ZNF483: variants seen among roughly 807,000 people sequenced by gnomAD.
The protein encoded by ZNF483 is zinc finger protein 483, also known as zinc finger protein HIT-10.
A neutral mutation model predicts 28.6 loss-of-function variants in ZNF483; 9 were observed. That is an observed-to-expected ratio of 0.32 (90% CI 0.19 to 0.55). The LOEUF is 0.55. Among genes scored for constraint, ZNF483 ranks in the 20% least tolerant of loss-of-function variants. The pLI, the probability that ZNF483 is intolerant of heterozygous loss-of-function variation, is 0.93. For missense variants in ZNF483, 675 were observed against 871.7 expected, an observed-to-expected ratio of 0.77 and a Z score of 2.84; for synonymous variants, 322 against 306.2, an observed-to-expected ratio of 1.05 and a Z score of -0.54.
In ZNF483 at chr9:111,543,897, G is replaced by A; in HGVS notation, c.*727G>A. ...ACTTTCCTGAGTAGCTGACATTACG[G>A]GTACACTCCATCAAGCCTGGTTCCT... On this transcript the variant is annotated 3_prime_UTR_variant, in exon 6 of 6. Transcript: ENST00000309235. 1 of 984,244 alleles carries A rather than the reference G, an allele frequency of 1.0e-6. No homozygotes were observed. The highest frequency in any genetic ancestry group is 1.2e-6 in the Non-Finnish European group (1 of 829,598). 61.0% of individuals were successfully genotyped at this position (984,244 alleles called of 1,614,324 possible).
rs889025221 is a variant in ZNF483 at position 111,553,150 on chromosome 9, T to C, written c.*9980T>C. 1.2e-4 allele frequency among the ~76,000 whole-genome samples: 19 copies of C among 152,368 alleles called. No individual in the cohort carries two copies. The highest frequency in any genetic ancestry group is 4.1e-4 in the African/African-American group (17 of 41,592). ...GTTGCTAAAAATTACATGTCTTAAATATTGTCTTAAGTATTATCTACTATG... is the reference window on the plus strand; with the variant it reads ...GTTGCTAAAAATTACATGTCTTAAACATTGTCTTAAGTATTATCTACTATG... On this transcript the variant is annotated 3_prime_UTR_variant, in exon 6 of 6. Coordinates refer to ENST00000309235, the MANE Select transcript of ZNF483 (RefSeq NM_133464.5).
intron 5 of ZNF483, among the ~76,000 whole-genome samples, chr9:111,575,029 G>A (rs572396646): frequency 2.0e-5 from 3 of 152,158 alleles, no homozygotes; most frequent in African/African-American, 4.8e-5. Flanking sequence ...GGCCGGGCAC[G>A]GTGGCTTACA....
At chr9:111,527,006 A>G (rs1827198653) in intron 1 of ZNF483, among the ~76,000 whole-genome samples, 1 of 152,110 alleles carries the variant, frequency 6.6e-6, no homozygotes, top group Non-Finnish European at 1.5e-5. Flanking sequence ...AGGCTGAGGT[A>G]GGAGAATCAC....
chr9:111,540,167 T>C (rs1321041087), intron 5 of ZNF483, among the ~76,000 whole-genome samples: 1 of 152,006 alleles, frequency 6.6e-6, no homozygotes, highest in Non-Finnish European at 1.5e-5. Context: ...AAAGAAAAAT[T>C]AGCAGTAAAA....
Position 111,542,462 on chromosome 9 carries a change from C to T in ZNF483, c.1527C>T (p.His509=), listed in dbSNP as rs1178645994. The T allele has an allele frequency of 1.2e-6, 2 of 1,614,002 alleles. No homozygotes were observed. The highest frequency in any genetic ancestry group is 1.3e-5 in the African/African-American group (1 of 74,906). ...DCGKGFTLSA[H]LIKHQRIHTG... ...GGAAAGGTTTCACCCTAAGTGCTCACCTCATTAAACATCAGAGAATTCATA... is the reference window on the plus strand; with the variant it reads ...GGAAAGGTTTCACCCTAAGTGCTCATCTCATTAAACATCAGAGAATTCATA... The change falls in exon 6 of 6, where the codon CAC becomes CAT. Residue 509 remains histidine, a synonymous_variant. Coordinates refer to ENST00000309235, the MANE Select transcript of ZNF483 (RefSeq NM_133464.5). The surrounding 1 kb of genome is among the most constrained non-coding windows in gnomAD (Gnocchi z 6.2).
intron 3 of ZNF483, 129 bp downstream of exon 3, chr9:111,531,092 G>A (rs1256762586): frequency 7.7e-6 from 2 of 260,152 alleles, no homozygotes; most frequent in Non-Finnish European, 1.5e-5. Flanking sequence ...ACTTTGGGAG[G>A]CTGAGGCAGG....
At chr9:111,527,939 C>T in intron 2 of ZNF483, 132 bp downstream of exon 2, 1 of 1,557,220 alleles carries the variant, frequency 6.4e-7, no homozygotes, top group African/African-American at 1.4e-5. Context: ...TTGAATCAGC[C>T]CTGCCATTTA....
exon 6 of ZNF483, chr9:111,576,408 T>C (rs984812362): frequency 2.5e-6 from 4 of 1,614,138 alleles, no homozygotes; most frequent in Non-Finnish European, 3.4e-6. Flanking sequence ...TCTCTGAGGC[T>C]GAATAAGACC....
intron 5 of ZNF483, chr9:111,562,571 GCTAA>G (rs1166379381): frequency 1.3e-5 from 2 of 152,226 alleles, no homozygotes; most frequent in African/African-American, 2.4e-5. Flanking sequence ...ACCACGCCCG[GCTAA>G]CTTTTTTTTT....
At chr9:111,526,946 A>G (rs1190809300) in intron 1 of ZNF483, among the ~76,000 whole-genome samples, 1 of 152,080 alleles carries the variant, frequency 6.6e-6, no homozygotes, top group Non-Finnish European at 1.5e-5. Flanking sequence ...CTAAAAATAC[A>G]AAAATTAGCC....
rs1197210189 is a variant in ZNF483, at chr9:111,551,991, A to T, written c.*8821A>T. On this transcript the variant is annotated 3_prime_UTR_variant, in exon 6 of 6. Transcript: ENST00000309235. ...TGAAAAATGTGAGTTATTCTGTTTTATTTGTATTATGAAATGTTTCTATTG... is the reference window on the plus strand; with the variant it reads ...TGAAAAATGTGAGTTATTCTGTTTTTTTTGTATTATGAAATGTTTCTATTG... Among the ~76,000 whole-genome samples, 1 of 152,134 alleles carries T rather than the reference A, an allele frequency of 6.6e-6. No homozygotes were observed. The highest frequency in any genetic ancestry group is 3.2e-3 in the Middle Eastern group (1 of 316).
At position 111,542,483 on chromosome 9, in the gene ZNF483, T is replaced by G. The variant is rs1169572280; in HGVS notation, c.1548T>G (p.Ile516Met). 6.2e-7 allele frequency: 1 copy of G among 1,614,122 alleles called. No homozygotes were observed. Among genetic ancestry groups the G allele is most frequent in the African/African-American group, 1.3e-5 (1 of 75,040 alleles). ...LSAHLIKHQR[I>M]HTGEKPYKCK... ...CTCACCTCATTAAACATCAGAGAAT[T>G]CATACTGGAGAAAAACCTTATAAAT... Residue 516 changes from isoleucine to methionine, a missense_variant, in exon 6 of 6, where the codon ATT becomes ATG. By Grantham distance (10) the Ile-to-Met change is conservative (BLOSUM62 1). Coordinates refer to ENST00000309235, the MANE Select transcript of ZNF483 (RefSeq NM_133464.5). This position sits in a 1 kb window ranked among gnomAD's most constrained non-coding sequence, Gnocchi z 6.2.
Position 111,550,452 on chromosome 9 carries a change from T to C in ZNF483, c.*7282T>C, listed in dbSNP as rs1164612877. Among the ~76,000 whole-genome samples the C allele has an allele frequency of 2.0e-5, 3 of 152,198 alleles. No individual in the cohort carries two copies. The highest frequency in any genetic ancestry group is 7.2e-5 in the African/African-American group (3 of 41,452). On this transcript the variant is annotated 3_prime_UTR_variant, in exon 6 of 6. Transcript: ENST00000309235. ...AAATGTGGGGTTGTGTCTCCACAGC[T>C]GCCTGCCATGGAGTGGGTGGGGATG... is the stretch of plus-strand genomic sequence containing the variant.
chr9:111,533,671 CAAA>C, intron 3 of ZNF483, 65 bp from the exon 4 acceptor site: 6 of 1,111,908 alleles, frequency 5.4e-6, no homozygotes, highest in South Asian at 3.9e-5. Context: ...TAGCCTGTCT[CAAA>C]AAAAAAAAGT....
At chr9:111,573,414 C>A (rs531664551) in intron 5 of ZNF483, among the ~76,000 whole-genome samples, 6 of 152,188 alleles carry the variant, frequency 3.9e-5, no homozygotes, top group African/African-American at 1.4e-4. Context: ...TTCTAGCCCC[C>A]CCATCTCCAT....
At chr9:111,529,086 A>G (rs1827253626) in intron 2 of ZNF483, among the ~76,000 whole-genome samples, 1 of 151,846 alleles carries the variant, frequency 6.6e-6, no homozygotes, top group Non-Finnish European at 1.5e-5. Flanking sequence ...GGAGTGAGCC[A>G]AGATCACGCC....
rs1222709600 is a variant in ZNF483, at chr9:111,549,627, G to A, written c.*6457G>A. 1.9e-6 allele frequency: 2 copies of A among 1,055,392 alleles called. No individual in the cohort carries two copies. The highest frequency in any genetic ancestry group is 2.8e-6 in the Non-Finnish European group (2 of 723,198). The allele number at this position is 1,055,392 out of a possible 1,614,324, so 65.4% of individuals were successfully genotyped here. On this transcript the variant is annotated 3_prime_UTR_variant, in exon 6 of 6. Transcript: ENST00000309235. ...GCTAAACCTACCTGTAGCTCTTCTGGGGCAGCGGTCGTGGTGGTGGTGGCA... is the reference window on the plus strand; with the variant it reads ...GCTAAACCTACCTGTAGCTCTTCTGAGGCAGCGGTCGTGGTGGTGGTGGCA...
intron 5 of ZNF483, chr9:111,563,011 T>C: frequency 6.8e-7 from 1 of 1,465,490 alleles, no homozygotes; most frequent in Non-Finnish European, 9.0e-7. Context: ...TCAAACTCAT[T>C]ATGAGTACTA....
intron 3 of ZNF483, among the ~76,000 whole-genome samples, chr9:111,533,131 T>G (rs1045656002): frequency 6.6e-6 from 1 of 152,190 alleles, no homozygotes. Flanking sequence ...TTCTGCAAAT[T>G]TAGGGTTCAG....
Sources: gnomAD v4.1 joint callset for allele counts (sites outside exome capture counted in the v4.1 genomes callset) on GRCh38, gnomAD v4.1.1 for gene constraint, Gnocchi (gnomAD v3.1) non-coding constraint, MANE v1.5 for transcripts, NCBI Gene and HGNC (gene_info 2026-07-23, HGNC 2026-07-21) for gene names.